Variants in ABCA5 observed in about 807,000 individuals in gnomAD.
ABCA5 encodes the protein ATP binding cassette subfamily A member 5.
A neutral mutation model predicts 206.0 loss-of-function variants in ABCA5; 163 were observed. The ratio of observed to expected loss-of-function variants is 0.79; its 90% CI spans 0.70 to 0.90. ABCA5 has a LOEUF of 0.90. ABCA5 is among the 40% of genes least tolerant of loss of function. The pLI is 0.00. For missense variants in ABCA5, 1,859 were observed against 1,912.9 expected, an observed-to-expected ratio of 0.97 and a Z score of 0.53; for synonymous variants, 609 against 613.8, an observed-to-expected ratio of 0.99 and a Z score of 0.11.
At chr17:69,296,944 G>A (rs992917367) in intron 10 of ABCA5, among the ~76,000 whole-genome samples, 5 of 152,154 alleles carry the variant, frequency 3.3e-5, no homozygotes, top group Admixed American at 6.5e-5. Context: ...CAGGCTGGGC[G>A]ACAGAGCGAG....
intron 1 of ABCA5, among the ~76,000 whole-genome samples, chr17:69,323,721 A>T (rs7213377): frequency 0.64 from 97,270 of 151,898 alleles, 31,294 homozygotes; most frequent in Non-Finnish European, 0.68. Flanking sequence ...GGAAATATTA[A>T]ACCCAGTATC....
Position 69,302,837 on chromosome 17 carries a change from C to A in ABCA5, c.1000G>T (p.Val334Phe), listed in dbSNP as rs1244994315. Residue 334 changes from valine to phenylalanine, a missense_variant, in exon 8 of 39, where the codon GTT becomes TTT. Transcript: ENST00000392676. Reference sequence around the variant, plus strand: ...CCAATAAATCCAAAAGCCACAGTAACAAAAAATTCAACTATTCCCACATGT... The same window carrying A: ...CCAATAAATCCAAAAGCCACAGTAAAAAAAAATTCAACTATTCCCACATGT... ...SKHVGIVEFF[V>F]TVAFGFIGLM... 1.3e-6 allele frequency: 2 copies of A among 1,592,156 alleles called. No homozygotes were observed. The highest frequency in any genetic ancestry group is 1.7e-6 in the Non-Finnish European group (2 of 1,173,978).
Position 69,272,366 on chromosome 17 carries a change from C to T in ABCA5, c.2765-1077G>A, listed in dbSNP as rs145459232. Reference sequence around the variant, plus strand: ...AAGTGGTTTTATTTTGGAACACACACAAGGCTTAGGAAAATATGGCATGCA... The same window carrying T: ...AAGTGGTTTTATTTTGGAACACACATAAGGCTTAGGAAAATATGGCATGCA... On this transcript the variant is annotated intron_variant, in intron 20 of 38. Transcript: ENST00000392676. Among the ~76,000 whole-genome samples the T allele has an allele frequency of 9.2e-5, 14 of 151,988 alleles. No individual in the cohort carries two copies. In the East Asian group the frequency reaches 2.7e-3, roughly 29 times the overall value.
intron 5 of ABCA5, 88 bp from the exon 6 acceptor site, chr17:69,307,042 G>T: frequency 1.2e-6 from 1 of 822,010 alleles, no homozygotes; most frequent in Non-Finnish European, 1.8e-6. Context: ...CCTAAATTTG[G>T]TCAGTAACCT....
At chr17:69,322,200 T>C (rs1192089940) in intron 1 of ABCA5, among the ~76,000 whole-genome samples, 4 of 151,558 alleles carry the variant, frequency 2.6e-5, no homozygotes, top group Admixed American at 2.6e-4. Context: ...TGAAACCCTG[T>C]CTCTACTAAA....
In ABCA5 at chr17:69,260,339, G is replaced by A. The variant is rs758909523; in HGVS notation, c.3638C>T (p.Ser1213Leu). Reference protein sequence around the residue: ...PWDRLSVAVISPYLQCVLWIF... With the variant: ...PWDRLSVAVILPYLQCVLWIF... ...TCACAAAAACACTTTATTTCTTACC[G>A]ATATAACAGCTACTGAAAGCCTATC... Residue 1213 changes from serine (S) to leucine (L), a missense_variant and splice_region_variant, in exon 27 of 39, where the codon TCG becomes TTG. Transcript: ENST00000392676. 14 of 1,598,660 alleles carry A rather than the reference G, an allele frequency of 8.8e-6. No individual in the cohort carries two copies. Among genetic ancestry groups the A allele is most frequent in the East Asian group, 2.3e-5 (1 of 44,318 alleles).
At chr17:69,251,600 C>T (rs149477728) in intron 35 of ABCA5, 147 bp downstream of exon 35, 1 of 1,085,968 alleles carries the variant, frequency 9.2e-7, no homozygotes, top group Admixed American at 3.4e-5. Flanking sequence ...ACTCAACATA[C>T]TTCCAAGTCA....
intron 5 of ABCA5, among the ~76,000 whole-genome samples, chr17:69,307,536 TACAAA>T (rs1227539340): frequency 6.6e-6 from 1 of 152,062 alleles, no homozygotes; most frequent in Non-Finnish European, 1.5e-5. Flanking sequence ...TTGGCCAAAA[TACAAA>T]TAGGTGATAC....
intron 15 of ABCA5, among the ~76,000 whole-genome samples, chr17:69,286,524 C>T (rs527288744): frequency 6.6e-6 from 1 of 152,262 alleles, no homozygotes; most frequent in African/African-American, 2.4e-5. Context: ...ATATATGTTT[C>T]ATACAGCTAT....
At chr17:69,302,935 C>T in intron 7 of ABCA5, 29 bp from the exon 8 acceptor site, 2 of 1,312,234 alleles carry the variant, frequency 1.5e-6, no homozygotes, top group Non-Finnish European at 2.0e-6. Flanking sequence ...AAGGTTAGTG[C>T]AATGTTCATA....
At chr17:69,303,823 T>C (rs1436875558) in intron 7 of ABCA5, among the ~76,000 whole-genome samples, 802 of 7,106 alleles carry the variant, frequency 0.11, 283 homozygotes, top group Middle Eastern at 1. Context: ...CATATATATA[T>C]ATGTATATAT....
intron 31 of ABCA5, among the ~76,000 whole-genome samples, chr17:69,255,025 G>T (rs1324079259): frequency 6.6e-6 from 1 of 152,110 alleles, no homozygotes; most frequent in Non-Finnish European, 1.5e-5. Context: ...AGGGTATAAG[G>T]TATAGCCAAA....
At chr17:69,279,878 C>T (rs1241988186) in intron 18 of ABCA5, among the ~76,000 whole-genome samples, 2 of 152,140 alleles carry the variant, frequency 1.3e-5, no homozygotes, top group Non-Finnish European at 2.9e-5. Flanking sequence ...GTACAAAAAT[C>T]AATTCAAGAT....
At position 69,309,222 on chromosome 17, in the gene ABCA5, G is replaced by T. The variant is rs777105844; in HGVS notation, c.469+40C>A. 1.5e-5 allele frequency: 22 copies of T among 1,455,416 alleles called. No individual in the cohort carries two copies. The South Asian group carries it at 3.1e-4, about 21-fold the overall frequency. 90.2% of individuals were successfully genotyped at this position (1,455,416 alleles called of 1,614,324 possible). ...TATGAACTGCAAGCAGCAAAGATATGCATTTAATTGATCTTCAATGATTAT... is the reference window on the plus strand; with the variant it reads ...TATGAACTGCAAGCAGCAAAGATATTCATTTAATTGATCTTCAATGATTAT... On this transcript the variant is annotated intron_variant, in intron 4 of 38. Transcript: ENST00000392676.
At chr17:69,257,227 C>T (rs1195108511) in intron 28 of ABCA5, among the ~76,000 whole-genome samples, 1 of 151,746 alleles carries the variant, frequency 6.6e-6, no homozygotes, top group Non-Finnish European at 1.5e-5. Flanking sequence ...AAAAATTAAC[C>T]AGGTGTGGTG....
At chr17:69,323,051 AGTCT>A (rs1427774098) in intron 1 of ABCA5, among the ~76,000 whole-genome samples, 1 of 152,182 alleles carries the variant, frequency 6.6e-6, no homozygotes, top group East Asian at 1.9e-4. Context: ...GAAAATGGAT[AGTCT>A]GTCTACTTGG....
At chr17:69,250,427 C>A (rs916836560) in intron 36 of ABCA5, 45 bp downstream of exon 36, 2 of 1,549,464 alleles carry the variant, frequency 1.3e-6, no homozygotes, top group South Asian at 1.2e-5. Context: ...CTTTTTATAA[C>A]CTTTGCTCTA....
At chr17:69,313,678 T>C (rs543484457) in intron 2 of ABCA5, among the ~76,000 whole-genome samples, 1 of 152,292 alleles carries the variant, frequency 6.6e-6, no homozygotes, top group East Asian at 1.9e-4. Context: ...AAAATGCCTT[T>C]ATTCAATTCT....
At chr17:69,318,079 G>A (rs2145049666) in intron 1 of ABCA5, among the ~76,000 whole-genome samples, 1 of 151,872 alleles carries the variant, frequency 6.6e-6, no homozygotes, top group East Asian at 1.9e-4. Context: ...TTGCAAGCTG[G>A]AAGACTGTCT....
Sources: gnomAD v4.1 joint callset for allele counts (sites outside exome capture counted in the v4.1 genomes callset) on GRCh38, gnomAD v4.1.1 for gene constraint, MANE v1.5 for transcripts, NCBI Gene and HGNC (gene_info 2026-07-23, HGNC 2026-07-21) for gene names.